MYO1H: variants seen among roughly 807,000 people sequenced by gnomAD.
MYO1H encodes the protein unconventional myosin-Ih.
In MYO1H, 118 loss-of-function variants were observed where a neutral mutation model predicts 149.3. That is an observed-to-expected ratio of 0.79 (90% CI 0.68 to 0.92). The LOEUF (loss-of-function observed/expected upper bound fraction) is 0.92. Among genes scored for constraint, MYO1H ranks in the 40% least tolerant of loss-of-function variants. The pLI, the probability that MYO1H is intolerant of heterozygous loss-of-function variation, is 0.00. For synonymous variants in MYO1H, 447 were observed against 465.2 expected, an observed-to-expected ratio of 0.96 and a Z score of 0.50; for missense variants, 1,212 against 1,280.7, an observed-to-expected ratio of 0.95 and a Z score of 0.82.
At chr12:109,411,868 T>A in intron 13 of MYO1H, 26 bp from the exon 14 acceptor site, 1 of 1,547,572 alleles carries the variant, frequency 6.5e-7, no homozygotes, top group Non-Finnish European at 8.8e-7. Flanking sequence ...GTGCTGTGGA[T>A]TGAGGCTTCT....
At chr12:109,443,061 T>TATACAC (rs1872248278) in intron 27 of MYO1H, among the ~76,000 whole-genome samples, 1 of 51,660 alleles carries the variant, frequency 1.9e-5, no homozygotes, top group Non-Finnish European at 4.1e-5. Flanking sequence ...TATGTGTACG[T>TATACAC]ATGTGTGTAT....
chr12:109,411,730 A>G (rs2196612), intron 13 of MYO1H, among the ~76,000 whole-genome samples, 164 bp from the exon 14 acceptor site: 65,739 of 151,748 alleles, frequency 0.43, 15,257 homozygotes, highest in African/African-American at 0.59. Context: ...TTAGAAGCCA[A>G]ACACATGGAT....
the MYO1H span, among the ~76,000 whole-genome samples, chr12:109,322,515 T>G: frequency 1.3e-5 from 2 of 152,188 alleles, no homozygotes; most frequent in Non-Finnish European, 1.5e-5. Context: ...CCAAGTAATG[T>G]TCTTGCTTTA....
rs924323808 is a variant in MYO1H at position 109,350,217 on chromosome 12, G to A, written c.12+2245G>A. On this transcript the variant is annotated intron_variant, in intron 1 of 31. Coordinates refer to ENST00000310903, the Ensembl canonical transcript of MYO1H. ...AGCTCACTTTATGCAAATCATCTGG[G>A]CAGTTGCCTCTTCTCTCCAAGTTAG... Among the ~76,000 whole-genome samples, 3 of 152,016 alleles carry A rather than the reference G, an allele frequency of 2.0e-5. No individual in the cohort carries two copies. In the South Asian group the frequency reaches 6.2e-4, roughly 32 times the overall value.
At chr12:109,443,086 G>A (rs1443127973) in intron 27 of MYO1H, among the ~76,000 whole-genome samples, 3 of 102,040 alleles carry the variant, frequency 2.9e-5, no homozygotes, top group African/African-American at 7.6e-5. Context: ...GTGTACGTAT[G>A]TGTGTATATA....
chr12:109,423,956 A>G (rs776017291), intron 16 of MYO1H, among the ~76,000 whole-genome samples: 21 of 152,220 alleles, frequency 1.4e-4, no homozygotes, highest in Non-Finnish European at 2.9e-4. Context: ...TCCAAAAGCT[A>G]GTGCCCTGGG....
At chr12:109,379,149 G>C (rs1869149318) in intron 1 of MYO1H, among the ~76,000 whole-genome samples, 1 of 152,108 alleles carries the variant, frequency 6.6e-6, no homozygotes, top group Non-Finnish European at 1.5e-5. Context: ...GTGCTAAAAG[G>C]CCACACATGT....
intron 23 of MYO1H, among the ~76,000 whole-genome samples, chr12:109,439,013 T>C (rs1409581976): frequency 2.0e-5 from 3 of 152,218 alleles, no homozygotes; most frequent in East Asian, 1.9e-4. Context: ...TGGGGAAATG[T>C]AGCCAGATGG....
intron 13 of MYO1H, 86 bp from the exon 14 acceptor site, chr12:109,411,808 T>C: frequency 2.1e-6 from 2 of 956,824 alleles, no homozygotes; most frequent in Non-Finnish European, 3.2e-6. Flanking sequence ...AGTCCAGTAC[T>C]TTCTGTTCCA....
At chr12:109,377,898 C>T (rs1330776424) in intron 1 of MYO1H, among the ~76,000 whole-genome samples, 1 of 152,200 alleles carries the variant, frequency 6.6e-6, no homozygotes, top group Non-Finnish European at 1.5e-5. Flanking sequence ...TTACCTCCTT[C>T]CCCACTTGTT....
the MYO1H span, among the ~76,000 whole-genome samples, chr12:109,318,972 GTTTTT>G: frequency 0.029 from 2,232 of 77,314 alleles, 168 homozygotes; most frequent in African/African-American, 0.099. Context: ...TTTTGGTTTT[GTTTTT>G]TTTTTTTTTT....
intron 17 of MYO1H, among the ~76,000 whole-genome samples, chr12:109,425,743 G>A (rs540936976): frequency 6.6e-6 from 1 of 152,156 alleles, no homozygotes; most frequent in Admixed American, 6.6e-5. Context: ...CAGCTTCCAC[G>A]TGACCAGACC....
intron 15 of MYO1H, among the ~76,000 whole-genome samples, chr12:109,417,982 A>AT (rs1325769294): frequency 2.0e-5 from 3 of 150,004 alleles, no homozygotes; most frequent in Non-Finnish European, 4.5e-5. Flanking sequence ...CGCCCGGCTA[A>AT]TTTTTTCTAT....
At chr12:109,368,267 T>A (rs972322338) in intron 1 of MYO1H, among the ~76,000 whole-genome samples, 2 of 152,180 alleles carry the variant, frequency 1.3e-5, no homozygotes, top group Admixed American at 6.5e-5. Context: ...CCCAAGCAAG[T>A]GCCTAAAGCA....
At chr12:109,411,074 A>G (rs151205997) in intron 13 of MYO1H, among the ~76,000 whole-genome samples, 3,324 of 152,170 alleles carry the variant, frequency 0.022, 109 homozygotes, top group African/African-American at 0.075. Flanking sequence ...CCCCGGAGGC[A>G]GAGGTTGCAG....
upstream of MYO1H, among the ~76,000 whole-genome samples, chr12:109,345,298 A>G (rs1394933409): frequency 6.6e-6 from 1 of 152,214 alleles, no homozygotes; most frequent in Non-Finnish European, 1.5e-5. Flanking sequence ...TGGGCGAAGG[A>G]TTTGCATAGA....
the MYO1H span, among the ~76,000 whole-genome samples, chr12:109,333,274 C>T: frequency 2.0e-5 from 3 of 151,952 alleles, no homozygotes; most frequent in East Asian, 1.9e-4. Context: ...GAGCTGAGAC[C>T]GCACCATCGC....
intron 2 of MYO1H, among the ~76,000 whole-genome samples, chr12:109,393,055 G>A (rs756461333): frequency 2.6e-5 from 4 of 151,928 alleles, no homozygotes; most frequent in South Asian, 4.2e-4. Flanking sequence ...TGATCCACCC[G>A]CCTCGGCCTC....
intron 1 of MYO1H, among the ~76,000 whole-genome samples, chr12:109,359,798 T>C (rs1450409639): frequency 6.6e-6 from 1 of 152,240 alleles, no homozygotes; most frequent in Non-Finnish European, 1.5e-5. Context: ...TCTGCAAGCG[T>C]TTCCATCCCA....
Sources: allele counts gnomAD v4.1 joint callset (sites outside exome capture counted in the v4.1 genomes callset), GRCh38; gene constraint gnomAD v4.1.1; transcripts MANE v1.5; gene names NCBI Gene and HGNC (gene_info 2026-07-23, HGNC 2026-07-21).